Variants in LIMS4 observed in about 807,000 individuals in gnomAD.
LIMS4 encodes LIM zinc finger domain containing 4.
the LIMS4 span, among the ~76,000 whole-genome samples, chr2:110,425,140 C>T: frequency 3.6e-4 from 51 of 143,144 alleles, 2 homozygotes; most frequent in African/African-American, 9.3e-4. Flanking sequence ...AGGAACCCAC[C>T]GGAAGGAACC....
At chr2:110,391,927 T>G in the LIMS4 span, among the ~76,000 whole-genome samples, 1 of 149,684 alleles carries the variant, frequency 6.7e-6, no homozygotes, top group African/African-American at 2.6e-5. Context: ...TGTGGGGAGG[T>G]GTTGTTGCAC....
At chr2:110,390,711 T>C in the LIMS4 span, among the ~76,000 whole-genome samples, 3 of 149,938 alleles carry the variant, frequency 2.0e-5, no homozygotes, top group African/African-American at 7.6e-5. Flanking sequence ...AGTGAGGGGC[T>C]CCAGATCCTC....
chr2:110,391,178 C>T, the LIMS4 span, among the ~76,000 whole-genome samples: 2 of 151,546 alleles, frequency 1.3e-5, no homozygotes, highest in East Asian at 3.9e-4. Context: ...TGGAGCAGAT[C>T]CTGGGCCAGG....
the LIMS4 span, among the ~76,000 whole-genome samples, chr2:110,368,975 G>A: frequency 8.5e-6 from 1 of 118,286 alleles, no homozygotes; most frequent in Non-Finnish European, 1.7e-5. Flanking sequence ...GCATGGAGTG[G>A]CCAAGCACAG....
the LIMS4 span, among the ~76,000 whole-genome samples, chr2:110,367,342 C>G: frequency 6.9e-6 from 1 of 145,294 alleles, no homozygotes; most frequent in Non-Finnish European, 1.5e-5. Context: ...TACAAGGCTA[C>G]AGTAACCAAA....
At chr2:110,433,013 CT>C in the LIMS4 span, among the ~76,000 whole-genome samples, 45 of 114,526 alleles carry the variant, frequency 3.9e-4, 1 homozygote, top group Admixed American at 2.2e-3. Flanking sequence ...CCCTCCCTGT[CT>C]GCCCACTCTG....
At chr2:110,407,656 C>T in the LIMS4 span, among the ~76,000 whole-genome samples, 1 of 138,514 alleles carries the variant, frequency 7.2e-6, no homozygotes, top group Non-Finnish European at 1.6e-5. Flanking sequence ...TGGTGGCTCA[C>T]ATATCTAATC....
At chr2:110,381,797 G>A in the LIMS4 span, among the ~76,000 whole-genome samples, 121 of 25,476 alleles carry the variant, frequency 4.7e-3, no homozygotes, top group Non-Finnish European at 6.3e-3. Flanking sequence ...GCCGGGCGCG[G>A]TGGCTCACAC....
At chr2:110,366,388 T>C in the LIMS4 span, among the ~76,000 whole-genome samples, 2 of 152,172 alleles carry the variant, frequency 1.3e-5, no homozygotes, top group African/African-American at 4.8e-5. Flanking sequence ...TGGTTCAACA[T>C]ATGCAAATCA....
chr2:110,371,480 T>C, the LIMS4 span, among the ~76,000 whole-genome samples: 1 of 126,924 alleles, frequency 7.9e-6, no homozygotes, highest in East Asian at 2.2e-4. Context: ...TTCCTGGCCA[T>C]CCTGTCTTGA....
chr2:110,424,554 C>T, the LIMS4 span, among the ~76,000 whole-genome samples: 1 of 144,808 alleles, frequency 6.9e-6, no homozygotes, highest in East Asian at 2.0e-4. Flanking sequence ...TTCACTGACT[C>T]CTCCCAGAGG....
chr2:110,367,849 C>T, the LIMS4 span, among the ~76,000 whole-genome samples: 1 of 139,222 alleles, frequency 7.2e-6, no homozygotes, highest in East Asian at 2.1e-4. Flanking sequence ...CATCACCACA[C>T]TCCAGCATAA....
chr2:110,367,796 T>C, the LIMS4 span, among the ~76,000 whole-genome samples: 152 of 141,054 alleles, frequency 1.1e-3, 1 homozygote, highest in South Asian at 5.3e-3. Context: ...GGTGGGAAGA[T>C]TGTTTGAGCC....
At chr2:110,382,084 A>T in the LIMS4 span, among the ~76,000 whole-genome samples, 71 of 95,872 alleles carry the variant, frequency 7.4e-4, no homozygotes, top group Non-Finnish European at 1.2e-3. Context: ...AAAAAAAAAA[A>T]AAAAAAAAAA....
At chr2:110,395,813 C>T in the LIMS4 span, among the ~76,000 whole-genome samples, 1 of 118,870 alleles carries the variant, frequency 8.4e-6, no homozygotes, top group African/African-American at 3.9e-5. Context: ...TCCAATGAGC[C>T]ATCATGTCCC....
chr2:110,442,905 G>A (rs374734676), downstream of LIMS4, among the ~76,000 whole-genome samples: 133 of 152,302 alleles, frequency 8.7e-4, no homozygotes, highest in Middle Eastern at 6.8e-3. Flanking sequence ...CGCCACGTTG[G>A]TTAGGCTGGT....
At chr2:110,385,180 CTCCAGTTCACAGCCCCCAT>C in the LIMS4 span, among the ~76,000 whole-genome samples, 2 of 150,236 alleles carry the variant, frequency 1.3e-5, no homozygotes, top group Non-Finnish European at 2.9e-5. Flanking sequence ...TAAATAGAAG[CTCCAGTTCACAGCCCCCAT>C]GGGGCCTAAA....
At chr2:110,382,699 C>T in the LIMS4 span, 1 of 69,112 alleles carries the variant, frequency 1.4e-5, no homozygotes, top group Non-Finnish European at 2.6e-5. Flanking sequence ...GCTACTGATA[C>T]ATACCATGAA....
At chr2:110,383,211 G>C in the LIMS4 span, 1 of 11,562 alleles carries the variant, frequency 8.6e-5, no homozygotes, top group Non-Finnish European at 1.7e-4. Flanking sequence ...CTTCTGCGAC[G>C]TGACTGTGTG....
Sources: gnomAD v4.1 joint callset for allele counts (sites outside exome capture counted in the v4.1 genomes callset) on GRCh38, gnomAD v4.1.1 for gene constraint, MANE v1.5 for transcripts, NCBI Gene and HGNC (gene_info 2026-07-23, HGNC 2026-07-21) for gene names.